The following KCNN3 variants were observed in gnomAD, a reference collection of about 807,000 sequenced individuals.
KCNN3 encodes the protein small conductance calcium-activated potassium channel protein 3.
A neutral mutation model predicts 62.9 loss-of-function variants in KCNN3; 16 were observed. The ratio of observed to expected loss-of-function variants is 0.25; its 90% CI spans 0.17 to 0.39. The LOEUF is 0.39. KCNN3 is among the 10% of genes least tolerant of loss of function. The probability of loss-of-function intolerance (pLI) is 1.00; values close to 1 mark genes in which losing one functional copy is unlikely to be tolerated. For missense variants in KCNN3, 599 were observed against 949.4 expected (o/e 0.63, Z 4.85); for synonymous variants, 370 against 389.2 (o/e 0.95, Z 0.58).
At chr1:154,712,020 G>A (rs1170066479) in intron 7 of KCNN3, among the ~76,000 whole-genome samples, 1 of 151,672 alleles carries the variant, frequency 6.6e-6, no homozygotes, top group African/African-American at 2.4e-5. Context: ...CGGAGAGGAA[G>A]AGAGAGACAG....
At chr1:154,793,407 G>C (rs1649598814) in intron 2 of KCNN3, among the ~76,000 whole-genome samples, 1 of 152,152 alleles carries the variant, frequency 6.6e-6, no homozygotes, top group South Asian at 2.1e-4. Flanking sequence ...TGGGGTGATG[G>C]GGAGGGATGT....
chr1:154,847,054 C>G (rs1652095080), intron 1 of KCNN3, among the ~76,000 whole-genome samples: 1 of 151,880 alleles, frequency 6.6e-6, no homozygotes, highest in African/African-American at 2.4e-5. Flanking sequence ...CTCCCTGAGC[C>G]CTGGGCTCCT....
intron 1 of KCNN3, among the ~76,000 whole-genome samples, chr1:154,866,382 C>T (rs1197022706): frequency 2.0e-5 from 3 of 152,172 alleles, no homozygotes; most frequent in African/African-American, 7.2e-5. Flanking sequence ...CCTTACACGT[C>T]TCTAATTTAA....
At chr1:154,803,823 A>T (rs1484603492) in intron 2 of KCNN3, among the ~76,000 whole-genome samples, 1 of 152,196 alleles carries the variant, frequency 6.6e-6, no homozygotes, top group African/African-American at 2.4e-5. Flanking sequence ...GGAAGGAGGC[A>T]TCTGCCCAGG....
chr1:154,868,886 C>A lies in KCNN3; in HGVS notation c.933+146G>T, dbSNP rs1653056606. 8.5e-5 allele frequency: 78 copies of A among 913,864 alleles called. 2 individuals carry two copies. In the South Asian group the frequency reaches 9.8e-4, roughly 11 times the overall value. The allele number at this position is 913,864 out of a possible 1,614,324, so 56.6% of individuals were successfully genotyped here. Reference sequence around the variant, plus strand: ...CCACCACCTCTCTCTCCCAGTCTCCCTCCCAATCTCTCAATCTCTCTCTCT... The same window carrying A: ...CCACCACCTCTCTCTCCCAGTCTCCATCCCAATCTCTCAATCTCTCTCTCT... On this transcript the variant is annotated intron_variant, in intron 1 of 7. Coordinates refer to ENST00000271915, the MANE Select transcript of KCNN3 (RefSeq NM_002249.6).
intron 5 of KCNN3, among the ~76,000 whole-genome samples, chr1:154,718,165 GTTT>G (rs1700269678): frequency 1.3e-5 from 2 of 152,314 alleles, no homozygotes; most frequent in East Asian, 3.9e-4. Flanking sequence ...AATCGGATGG[GTTT>G]GGGGATGGTT....
At chr1:154,709,347 G>A (rs915707673) in intron 7 of KCNN3, among the ~76,000 whole-genome samples, 5 of 152,118 alleles carry the variant, frequency 3.3e-5, no homozygotes, top group Non-Finnish European at 7.4e-5. Flanking sequence ...CCAGGCCGGT[G>A]GTTGCTTGGT....
At chr1:154,806,906 C>T (rs1650195302) in intron 2 of KCNN3, among the ~76,000 whole-genome samples, 1 of 152,096 alleles carries the variant, frequency 6.6e-6, no homozygotes, top group African/African-American at 2.4e-5. Flanking sequence ...CACCAGGGTG[C>T]CCAAGGACTC....
At chr1:154,799,362 C>G (rs965624617) in intron 2 of KCNN3, among the ~76,000 whole-genome samples, 1 of 152,182 alleles carries the variant, frequency 6.6e-6, no homozygotes, top group Non-Finnish European at 1.5e-5. Flanking sequence ...GTCACACTGT[C>G]GGATTAGGTC....
chr1:154,800,917 C>T (rs962781749), intron 2 of KCNN3, among the ~76,000 whole-genome samples: 4 of 152,016 alleles, frequency 2.6e-5, no homozygotes, highest in South Asian at 4.2e-4. Flanking sequence ...TGATTGTGCG[C>T]GCCTGTAGTC....
intron 3 of KCNN3, among the ~76,000 whole-genome samples, chr1:154,738,315 C>T (rs1158910760): frequency 6.6e-6 from 1 of 152,100 alleles, no homozygotes; most frequent in African/African-American, 2.4e-5. Context: ...AGCTAGAAGG[C>T]CATGGAATAA....
chr1:154,801,662 G>T (rs138137640), intron 2 of KCNN3, among the ~76,000 whole-genome samples: 1 of 152,162 alleles, frequency 6.6e-6, no homozygotes, highest in African/African-American at 2.4e-5. Context: ...TTTTAAGTGC[G>T]CTTGCCTGCC....
chr1:154,760,300 A>C (rs6682291), intron 3 of KCNN3, among the ~76,000 whole-genome samples: 13,772 of 151,194 alleles, frequency 0.091, 671 homozygotes, highest in African/African-American at 0.13. Flanking sequence ...TGAGCAGTTT[A>C]AGTGTCAAAG....
chr1:154,750,890 G>A (rs1393452522), intron 3 of KCNN3, among the ~76,000 whole-genome samples: 1 of 152,194 alleles, frequency 6.6e-6, no homozygotes, highest in Non-Finnish European at 1.5e-5. Flanking sequence ...GGGGCGGTGA[G>A]AGCAGCCCTG....
In KCNN3 at chr1:154,711,505, TA is replaced by T. The variant is rs200946213; in HGVS notation, c.1899+1958del. ...ACTTAAAGTGTAATAATAATAAAAC[TA>T]AAAAAAAAAAAAAGAAAGTTTGGTT... On this transcript the variant is annotated intron_variant, in intron 7 of 7. Transcript: ENST00000271915. 3.2e-3 allele frequency among the ~76,000 whole-genome samples: 423 copies of T among 133,004 alleles called. 1 individual carries two copies. Among genetic ancestry groups the T allele is most frequent in the East Asian group, 3.7e-3 (17 of 4,634 alleles). 87.3% of individuals were successfully genotyped at this position (133,004 alleles called of 152,430 possible).
chr1:154,715,038 G>A (rs1700202713), intron 5 of KCNN3, 35 bp from the exon 6 acceptor site: 2 of 1,612,266 alleles, frequency 1.2e-6, no homozygotes, highest in East Asian at 4.5e-5. Flanking sequence ...CTGCTATCAG[G>A]TTCATTTTCT....
At chr1:154,758,631 G>T (rs752322930) in intron 3 of KCNN3, among the ~76,000 whole-genome samples, 77 of 152,134 alleles carry the variant, frequency 5.1e-4, no homozygotes, top group Admixed American at 3.2e-3. Flanking sequence ...AACTCTCTGT[G>T]CAGTGGGGGG....
chr1:154,750,612 G>A (rs1334147498), intron 3 of KCNN3, among the ~76,000 whole-genome samples: 1 of 152,094 alleles, frequency 6.6e-6, no homozygotes, highest in African/African-American at 2.4e-5. Flanking sequence ...GCTCTAAGGA[G>A]CTGTAATTCT....
intron 2 of KCNN3, among the ~76,000 whole-genome samples, chr1:154,791,286 C>CT (rs34318428): frequency 0.023 from 3,197 of 137,290 alleles, 84 homozygotes; most frequent in African/African-American, 0.069. Context: ...TATCATACCA[C>CT]TTTTTTTTTT....
Sources: allele counts gnomAD v4.1 joint callset (sites outside exome capture counted in the v4.1 genomes callset), GRCh38; gene constraint gnomAD v4.1.1; transcripts MANE v1.5; gene names NCBI Gene and HGNC (gene_info 2026-07-23, HGNC 2026-07-21).